The following SLCO3A1 variants were observed in gnomAD, a reference collection of about 807,000 sequenced individuals.
SLCO3A1 encodes PGE1 transporter.
SLCO3A1 carries 27 observed loss-of-function variants against 63.1 expected under a neutral mutation model. That is an observed-to-expected ratio of 0.43 (90% confidence interval 0.32 to 0.59). The LOEUF (loss-of-function observed/expected upper bound fraction) is 0.59, where lower values mean the gene tolerates loss of function less well. Among genes scored for constraint, SLCO3A1 ranks in the 20% least tolerant of loss-of-function variants. The pLI, the probability that SLCO3A1 is intolerant of heterozygous loss-of-function variation, is 0.09. For synonymous variants in SLCO3A1, 473 were observed against 409.9 expected, an observed-to-expected ratio of 1.15 and a Z score of -1.86; for missense variants, 773 against 945.8, an observed-to-expected ratio of 0.82 and a Z score of 2.40.
At chr15:92,135,433 A>G (rs934578210) in intron 7 of SLCO3A1, among the ~76,000 whole-genome samples, 2 of 152,152 alleles carry the variant, frequency 1.3e-5, no homozygotes, top group Non-Finnish European at 2.9e-5. Context: ...CCTGGCCATT[A>G]TTCTTCAGCC....
chr15:92,076,265 G>A (rs767410586), intron 2 of SLCO3A1, among the ~76,000 whole-genome samples: 3 of 152,104 alleles, frequency 2.0e-5, no homozygotes, highest in Admixed American at 6.6e-5. Context: ...AGAATGCATC[G>A]GTTGCGTGCA....
chr15:92,095,822 T>TC (rs1372148508), intron 3 of SLCO3A1, among the ~76,000 whole-genome samples: 4 of 152,098 alleles, frequency 2.6e-5, no homozygotes, highest in African/African-American at 9.7e-5. Context: ...CCACAGAAGT[T>TC]CCATCCTGAC....
At chr15:92,025,099 A>G (rs79146827) in intron 2 of SLCO3A1, among the ~76,000 whole-genome samples, 1,787 of 151,446 alleles carry the variant, frequency 0.012, 28 homozygotes, top group Non-Finnish European at 0.016. Flanking sequence ...ATGGTGTGGC[A>G]TATTGAGAGA....
At chr15:91,957,142 T>TTATATA (rs1555417761) in intron 2 of SLCO3A1, among the ~76,000 whole-genome samples, 9 of 5,436 alleles carry the variant, frequency 1.7e-3, no homozygotes, top group African/African-American at 0.012. Context: ...ATACTATATA[T>TTATATA]TATAATATAT....
In SLCO3A1 at chr15:92,120,733, G is replaced by A; in HGVS notation, c.1174+104G>A. On this transcript the variant is annotated intron_variant, in intron 5 of 9. Coordinates refer to ENST00000318445, the MANE Select transcript of SLCO3A1 (RefSeq NM_013272.4). ...TGCTGAAGAACCCCACTCTGCTCTGGGCCTACAGCAACAAGATATATGTGG... is the reference window on the plus strand; with the variant it reads ...TGCTGAAGAACCCCACTCTGCTCTGAGCCTACAGCAACAAGATATATGTGG... The A allele has an allele frequency of 3.2e-6, 3 of 923,924 alleles. No homozygotes were observed. In the South Asian group the frequency reaches 4.7e-5, roughly 15 times the overall value. 57.2% of individuals were successfully genotyped at this position (923,924 alleles called of 1,614,324 possible). A position where few individuals can be genotyped will look rare whatever the true frequency, so the allele number is the denominator to read the frequency against.
In SLCO3A1 at chr15:91,967,729, A is replaced by G. The variant is rs569247839; in HGVS notation, c.646+51271A>G. ...GGATCATATTGTCTCTCAAATATCA[A>G]TAGCACAGTTTTTGGCTGTGTTGTT... On this transcript the variant is annotated intron_variant, in intron 2 of 9. Transcript: ENST00000318445. The surrounding 1 kb of genome is among the most constrained non-coding windows in gnomAD (Gnocchi z 4.4). Among the ~76,000 whole-genome samples the G allele has an allele frequency of 5.9e-5, 9 of 152,314 alleles. No homozygotes were observed. The highest frequency in any genetic ancestry group is 1.9e-4 in the East Asian group (1 of 5,176).
chr15:92,085,401 A>G (rs1340933895), intron 2 of SLCO3A1, among the ~76,000 whole-genome samples: 1 of 152,198 alleles, frequency 6.6e-6, no homozygotes, highest in African/African-American at 2.4e-5. Flanking sequence ...GCGTAGGCAT[A>G]TTGTGGTTAA....
intron 2 of SLCO3A1, among the ~76,000 whole-genome samples, chr15:91,926,029 T>C (rs1306994629): frequency 6.6e-6 from 1 of 152,130 alleles, no homozygotes; most frequent in East Asian, 1.9e-4. Flanking sequence ...AGGGATAGAG[T>C]CCAGGGGAAA....
intron 2 of SLCO3A1, among the ~76,000 whole-genome samples, chr15:91,918,493 A>C (rs1195312880): frequency 6.6e-6 from 1 of 152,126 alleles, no homozygotes; most frequent in African/African-American, 2.4e-5. Flanking sequence ...ACTGGTTTAC[A>C]TGGGTTTGTG....
intron 9 of SLCO3A1, chr15:92,161,793 T>A (rs1262546782): frequency 2.3e-5 from 3 of 130,676 alleles, no homozygotes; most frequent in Non-Finnish European, 5.0e-5. Context: ...CTTTGCAGTT[T>A]CCTCTGTAGA....
chr15:91,861,048 A>C (rs117432116), intron 1 of SLCO3A1, among the ~76,000 whole-genome samples: 5 of 152,170 alleles, frequency 3.3e-5, no homozygotes, highest in Admixed American at 3.3e-4. Flanking sequence ...CTTGCGAAGG[A>C]TAGAGAAGGA....
chr15:92,130,369 C>T (rs951334227), intron 7 of SLCO3A1, among the ~76,000 whole-genome samples: 4 of 152,194 alleles, frequency 2.6e-5, no homozygotes, highest in African/African-American at 9.7e-5. Context: ...TTACTCGAGG[C>T]CTCACATTGT....
intron 1 of SLCO3A1, among the ~76,000 whole-genome samples, chr15:91,864,467 T>C (rs1897118356): frequency 6.6e-6 from 1 of 150,760 alleles, no homozygotes; most frequent in Non-Finnish European, 1.5e-5. Flanking sequence ...ATCACTTCTC[T>C]TATTCTCTTT....
Position 92,164,035 on chromosome 15 carries a change from A to G in SLCO3A1, c.*900A>G. On this transcript the variant is annotated 3_prime_UTR_variant, in exon 10 of 10. Transcript: ENST00000318445. ...TTGCCAAAAACATTTTGCCATTTTT[A>G]AAAGAAAAAAATACAATCCATATGA... The G allele has an allele frequency of 1.0e-6, 1 of 985,242 alleles. No individual in the cohort carries two copies. The highest frequency in any genetic ancestry group is 1.2e-6 in the Non-Finnish European group (1 of 829,700). The allele number at this position is 985,242 out of a possible 1,614,324, so 61.0% of individuals were successfully genotyped here. A position where few individuals can be genotyped will look rare whatever the true frequency, so the allele number is the denominator to read the frequency against.
At chr15:92,080,153 C>G (rs768628006) in intron 2 of SLCO3A1, among the ~76,000 whole-genome samples, 21 of 152,302 alleles carry the variant, frequency 1.4e-4, no homozygotes, top group African/African-American at 3.8e-4. Flanking sequence ...AGATCCTCCC[C>G]GAGCATCCTG....
intron 2 of SLCO3A1, among the ~76,000 whole-genome samples, chr15:91,978,964 T>C (rs1901226826): frequency 6.6e-6 from 1 of 152,260 alleles, no homozygotes; most frequent in Non-Finnish European, 1.5e-5. Context: ...TTGGCCTGTG[T>C]TCTGGCACTG....
intron 7 of SLCO3A1, 111 bp from the exon 8 acceptor site, chr15:92,146,873 G>A: frequency 1.0e-6 from 1 of 974,148 alleles, no homozygotes; most frequent in Non-Finnish European, 1.5e-6. Flanking sequence ...CCTAATTAAT[G>A]GAATGCCACA....
intron 2 of SLCO3A1, among the ~76,000 whole-genome samples, chr15:91,986,364 A>C (rs556777449): frequency 1.3e-5 from 2 of 152,124 alleles, no homozygotes; most frequent in African/African-American, 4.8e-5. Context: ...GTGGGTGCCT[A>C]TTGGCAGCAG....
chr15:91,937,446 A>G (rs1899453599), intron 2 of SLCO3A1, among the ~76,000 whole-genome samples: 1 of 152,184 alleles, frequency 6.6e-6, no homozygotes, highest in African/African-American at 2.4e-5. Context: ...TGGGCCAGGC[A>G]TGGTGGCTCA....
Sources: gnomAD v4.1 joint callset for allele counts (sites outside exome capture counted in the v4.1 genomes callset) on GRCh38, gnomAD v4.1.1 for gene constraint, Gnocchi (gnomAD v3.1) non-coding constraint, MANE v1.5 for transcripts, NCBI Gene and HGNC (gene_info 2026-07-23, HGNC 2026-07-21) for gene names.